WT1: variants seen among roughly 807,000 people sequenced by gnomAD.
The protein encoded by WT1 is WT1 transcription factor.
WT1 carries 8 observed loss-of-function variants against 60.8 expected under a neutral mutation model. The ratio of observed to expected loss-of-function variants is 0.13; its 90% CI spans 0.08 to 0.24. The LOEUF (loss-of-function observed/expected upper bound fraction) is 0.24, where lower values mean the gene tolerates loss of function less well. Among genes scored for constraint, WT1 ranks in the 10% least tolerant of loss-of-function variants. The probability of loss-of-function intolerance (pLI) is 1.00; values close to 1 mark genes in which losing one functional copy is unlikely to be tolerated. For synonymous variants in WT1, 312 were observed against 297.1 expected (o/e 1.05, Z -0.52); for missense variants, 568 against 711.8 (o/e 0.80, Z 2.30).
chr11:32,391,130 C>T (rs971082021), intron 9 of WT1, among the ~76,000 whole-genome samples: 8 of 151,980 alleles, frequency 5.3e-5, no homozygotes, highest in African/African-American at 1.9e-4. Flanking sequence ...GACTATAGGT[C>T]CACACCACCA....
At chr11:32,433,222 C>T (rs1367793982) in intron 1 of WT1, among the ~76,000 whole-genome samples, 4 of 152,236 alleles carry the variant, frequency 2.6e-5, no homozygotes, top group Admixed American at 1.3e-4. Context: ...GTTGTCCCAA[C>T]GCCCCTTGAG....
intron 5 of WT1, among the ~76,000 whole-genome samples, chr11:32,407,938 G>A (rs968046868): frequency 1.3e-5 from 2 of 152,018 alleles, no homozygotes; most frequent in African/African-American, 2.4e-5. Flanking sequence ...GAAATACAGG[G>A]GAGGCCAGGC....
At chr11:32,391,066 C>A (rs1427725661) in intron 9 of WT1, among the ~76,000 whole-genome samples, 1 of 152,106 alleles carries the variant, frequency 6.6e-6, no homozygotes, top group Non-Finnish European at 1.5e-5. Context: ...GCAGCCTCAG[C>A]CTCCCAAGCA....
At chr11:32,431,643 G>T (rs538802960) in intron 1 of WT1, among the ~76,000 whole-genome samples, 1 of 151,158 alleles carries the variant, frequency 6.6e-6, no homozygotes, top group South Asian at 2.1e-4. Flanking sequence ...GGGTTTCACC[G>T]TGTTGGCCAG....
At position 32,392,758 on chromosome 11, in the gene WT1, T is replaced by A; in HGVS notation, c.1265-3A>T. ...GTCACACTGGTATGGTTTCTCACCT[T>A]GGGGAAGACACATATTCTATTTGAA... is the stretch of plus-strand genomic sequence containing the variant. On this transcript the variant is annotated splice_region_variant and splice_polypyrimidine_tract_variant and intron_variant, in intron 7 of 9. Coordinates refer to ENST00000452863, the MANE Select transcript of WT1 (RefSeq NM_024426.6). 1 of 1,613,638 alleles carries A rather than the reference T, an allele frequency of 6.2e-7. No individual in the cohort carries two copies. Among genetic ancestry groups the A allele is most frequent in the African/African-American group, 1.3e-5 (1 of 75,036 alleles).
chr11:32,430,455 G>GGA (rs529663782), intron 1 of WT1: 20,613 of 892,856 alleles, frequency 0.023, 80 homozygotes, highest in African/African-American at 0.025. Context: ...AGAGAGGGAG[G>GGA]GAGAGAGAGA....
intron 5 of WT1, among the ~76,000 whole-genome samples, chr11:32,400,925 T>A (rs1420233074): frequency 1.3e-5 from 2 of 152,234 alleles, no homozygotes; most frequent in African/African-American, 2.4e-5. Flanking sequence ...ATGATGCAGC[T>A]GCTTTGCAAA....
chr11:32,434,732 C>T lies in WT1; in HGVS notation c.629G>A (p.Cys210Tyr), dbSNP rs1484880178. The T allele has an allele frequency of 1.2e-6, 2 of 1,613,014 alleles. No homozygotes were observed. Among genetic ancestry groups the T allele is most frequent in the Non-Finnish European group, 1.7e-6 (2 of 1,179,962 alleles). ...GCGAATAGCGGGCTGGCTCTCGAGGCAGCTGGGCAGGTAGGGCGCGTTAGG... is the reference window on the plus strand; with the variant it reads ...GCGAATAGCGGGCTGGCTCTCGAGGTAGCTGGGCAGGTAGGGCGCGTTAGG... Residue 210 changes from cysteine to tyrosine, a missense_variant, in exon 1 of 10, where the codon TGC (cysteine) becomes TAC (tyrosine). This residue lies in a region of WT1 where 523 missense variants were observed against 565.1 expected (regional missense o/e 0.93). Coordinates refer to ENST00000452863, the MANE Select transcript of WT1 (RefSeq NM_024426.6).
At chr11:32,392,117 G>A in intron 8 of WT1, 53 bp from the exon 9 acceptor site, 1 of 1,518,472 alleles carries the variant, frequency 6.6e-7, no homozygotes, top group East Asian at 2.3e-5. Flanking sequence ...GGCACAGTGA[G>A]GCCCACAAGG....
At chr11:32,400,546 A>C in intron 5 of WT1, 1 of 245,438 alleles carries the variant, frequency 4.1e-6, no homozygotes, top group Non-Finnish European at 8.1e-6. Context: ...CTGTGGCCTC[A>C]CTCTGCTTAA....
chr11:32,400,716 C>A (rs992356596), intron 5 of WT1: 1 of 160,954 alleles, frequency 6.2e-6, no homozygotes, highest in African/African-American at 2.4e-5. Flanking sequence ...ATGTGCAATG[C>A]TGAAAAGGAC....
At chr11:32,412,164 T>G (rs1852521416) in intron 5 of WT1, among the ~76,000 whole-genome samples, 2 of 152,212 alleles carry the variant, frequency 1.3e-5, no homozygotes, top group Admixed American at 1.3e-4. Flanking sequence ...CAGCTATCTC[T>G]TTTGGCACAG....
At chr11:32,401,335 G>A (rs2132965436) in intron 5 of WT1, among the ~76,000 whole-genome samples, 1 of 152,298 alleles carries the variant, frequency 6.6e-6, no homozygotes, top group East Asian at 1.9e-4. Flanking sequence ...GTGGTTGGGT[G>A]CCTTGAACTG....
chr11:32,418,620 G>T (rs1852756623), intron 3 of WT1, among the ~76,000 whole-genome samples: 1 of 152,226 alleles, frequency 6.6e-6, no homozygotes, highest in Non-Finnish European at 1.5e-5. Context: ...TGTGGTATCA[G>T]ATTGCAGATA....
At chr11:32,394,998 G>A (rs1226651358) in intron 7 of WT1, among the ~76,000 whole-genome samples, 2 of 152,232 alleles carry the variant, frequency 1.3e-5, no homozygotes, top group African/African-American at 4.8e-5. Context: ...TTGGGGAAAT[G>A]TGTAAAAACA....
chr11:32,397,988 A>G (rs569539277), intron 6 of WT1, among the ~76,000 whole-genome samples: 1 of 152,288 alleles, frequency 6.6e-6, no homozygotes, highest in African/African-American at 2.4e-5. Flanking sequence ...ATTTCCCTTA[A>G]TTCATCCTAG....
Position 32,400,195 on chromosome 11 carries a change from G to A in WT1, c.1017-151C>T. On this transcript the variant is annotated intron_variant, in intron 5 of 9. Coordinates refer to ENST00000452863, the MANE Select transcript of WT1 (RefSeq NM_024426.6). ...CTCCCTCCATGGGGCCACTTTAGAT[G>A]CAGGGTTCTGCGGAGGGCGAGGCCC... is the stretch of plus-strand genomic sequence containing the variant. 3.3e-6 allele frequency: 3 copies of A among 897,662 alleles called. No individual in the cohort carries two copies. In the Admixed American group the frequency reaches 6.0e-5, roughly 18 times the overall value. 55.6% of individuals were successfully genotyped at this position (897,662 alleles called of 1,614,324 possible). A position where few individuals can be genotyped will look rare whatever the true frequency, so the allele number is the denominator to read the frequency against.
rs11031773 is a variant in WT1 at position 32,411,351 on chromosome 11, C to G, written c.1016+5139G>C. On this transcript the variant is annotated intron_variant, in intron 5 of 9. Coordinates refer to ENST00000452863, the MANE Select transcript of WT1 (RefSeq NM_024426.6). The stretch of plus-strand genomic sequence containing the variant: ...GAGCCCATAAATATTTTTTAAGAGG[C>G]TGAGAATATTTTCAAGAAGTCAAAG... Among the ~76,000 whole-genome samples the G allele has an allele frequency of 6.1e-3, 922 of 152,228 alleles. 9 individuals carry two copies. Among genetic ancestry groups the G allele is most frequent in the African/African-American group, 0.022 (895 of 41,522 alleles).
chr11:32,416,282 G>A (rs925635822), intron 5 of WT1, among the ~76,000 whole-genome samples: 2 of 151,874 alleles, frequency 1.3e-5, no homozygotes, highest in Admixed American at 6.6e-5. Flanking sequence ...TTTTCCAGGG[G>A]CATGTTGATG....
Sources: gnomAD v4.1 joint callset for allele counts (sites outside exome capture counted in the v4.1 genomes callset) on GRCh38, gnomAD v4.1.1 for gene constraint, gnomAD v4.1.1 regional missense constraint, MANE v1.5 for transcripts, NCBI Gene and HGNC (gene_info 2026-07-23, HGNC 2026-07-21) for gene names.